PCNT: variants seen among roughly 807,000 people sequenced by gnomAD.
The protein encoded by PCNT is kendrin.
Under a neutral mutation model 380.4 loss-of-function variants are expected in PCNT, and 319 were observed. The ratio of observed to expected loss-of-function variants is 0.84; its 90% CI spans 0.77 to 0.92. The LOEUF (loss-of-function observed/expected upper bound fraction) is 0.92. Ranked by LOEUF, PCNT falls within the 40% of genes least tolerant of loss-of-function variation. The probability of loss-of-function intolerance (pLI) is 0.00; values close to 1 mark genes in which losing one functional copy is unlikely to be tolerated. For missense variants in PCNT, 4,400 were observed against 4,255.3 expected (o/e 1.03, Z -0.95); for synonymous variants, 1,845 against 1,735.2 (o/e 1.06, Z -1.57).
intron 3 of PCNT, among the ~76,000 whole-genome samples, chr21:46,344,811 TTGC>T (rs2084015051): frequency 6.6e-6 from 1 of 152,222 alleles, no homozygotes; most frequent in Non-Finnish European, 1.5e-5. Context: ...CTTTGGGTTA[TTGC>T]TGCTGAAAAG....
chr21:46,336,842 A>T (rs1357408433), intron 3 of PCNT, among the ~76,000 whole-genome samples: 1 of 151,576 alleles, frequency 6.6e-6, no homozygotes, highest in Non-Finnish European at 1.5e-5. Context: ...ACATACTGAT[A>T]CCTCAGAGCC....
intron 25 of PCNT, among the ~76,000 whole-genome samples, chr21:46,400,512 CTTT>C (rs1215264897): frequency 0.054 from 4,524 of 84,542 alleles, 108 homozygotes; most frequent in African/African-American, 0.15. Context: ...GTGTCTGATT[CTTT>C]TTTTTTTTTT....
chr21:46,383,947 C>T (rs529082818), intron 16 of PCNT, among the ~76,000 whole-genome samples: 129 of 146,300 alleles, frequency 8.8e-4, no homozygotes, highest in African/African-American at 3.1e-3. Flanking sequence ...AGCGCATTCA[C>T]AGTGTTGTAT....
At chr21:46,334,836 A>C in intron 3 of PCNT, 68 bp downstream of exon 3, 1 of 1,610,396 alleles carries the variant, frequency 6.2e-7, no homozygotes, top group Non-Finnish European at 8.5e-7. Flanking sequence ...TAGAAATCCA[A>C]ACCAGTGAGA....
intron 17 of PCNT, among the ~76,000 whole-genome samples, chr21:46,386,917 C>T (rs1035816512): frequency 1.3e-5 from 2 of 152,104 alleles, no homozygotes; most frequent in Non-Finnish European, 2.9e-5. Context: ...TGTCCCCGCC[C>T]GAGGCCTCTG....
At chr21:46,326,204 A>G (rs1275181293) in intron 1 of PCNT, among the ~76,000 whole-genome samples, 173 bp from the exon 2 acceptor site, 2 of 152,192 alleles carry the variant, frequency 1.3e-5, no homozygotes, top group Non-Finnish European at 2.9e-5. Flanking sequence ...CCCCTTGGAT[A>G]TAGATATTGA....
chr21:46,409,542 AAT>A (rs986671462), intron 27 of PCNT, among the ~76,000 whole-genome samples: 1 of 152,084 alleles, frequency 6.6e-6, no homozygotes, highest in African/African-American at 2.4e-5. Flanking sequence ...TTTCCTGAGA[AAT>A]TTCATAGTTT....
chr21:46,360,770 G>A (rs138448385), intron 13 of PCNT, among the ~76,000 whole-genome samples: 116 of 151,934 alleles, frequency 7.6e-4, no homozygotes, highest in African/African-American at 2.5e-3. Context: ...CGCCCACCTC[G>A]GCCTCCCAAA....
chr21:46,391,070 C>G (rs2086014108), intron 20 of PCNT, 94 bp from the exon 21 acceptor site: 2 of 1,291,824 alleles, frequency 1.5e-6, no homozygotes, highest in African/African-American at 1.5e-5. Flanking sequence ...CTCTGCTGCT[C>G]TCAGGGGCAG....
intron 21 of PCNT, among the ~76,000 whole-genome samples, chr21:46,395,483 A>G (rs2086177624): frequency 7.9e-6 from 1 of 127,042 alleles, no homozygotes; most frequent in Non-Finnish European, 1.8e-5. Flanking sequence ...TCTCAGAAAT[A>G]ATAGTAATAA....
At chr21:46,414,223 C>G (rs1432924258) in intron 29 of PCNT, among the ~76,000 whole-genome samples, 3 of 152,106 alleles carry the variant, frequency 2.0e-5, no homozygotes, top group Non-Finnish European at 4.4e-5. Context: ...AACTCTTGAC[C>G]TTAGGTGATC....
intron 21 of PCNT, chr21:46,394,416 C>A: frequency 1.9e-6 from 1 of 532,988 alleles, no homozygotes; most frequent in Non-Finnish European, 2.4e-6. Flanking sequence ...AGCCCTGCTG[C>A]TGACGCTGCC....
chr21:46,426,506 G>A (rs1448790643), intron 33 of PCNT, among the ~76,000 whole-genome samples: 1 of 152,212 alleles, frequency 6.6e-6, no homozygotes, highest in Non-Finnish European at 1.5e-5. Context: ...AGCCTGCGGG[G>A]AGGCTGAGAG....
Position 46,442,521 on chromosome 21 carries a change from G to T in PCNT, c.9648G>T (p.Trp3216Cys). The change falls in exon 44 of 47, where the codon TGG (tryptophan) becomes TGT (cysteine). Residue 3216 changes from tryptophan (W) to cysteine (C), a missense_variant. By Grantham distance (215) the Trp-to-Cys change is radical (BLOSUM62 -2). Transcript: ENST00000359568. ...GATTACGTTTTTTGGTTAAGAAATG[G>T]CAAGAAGTAGATCGGAAAGGAGCTC... ...ILRLRFLVKK[W>C]QEVDRKGALA... 2 of 1,612,016 alleles carry T rather than the reference G, an allele frequency of 1.2e-6. No individual in the cohort carries two copies. Among genetic ancestry groups the T allele is most frequent in the Non-Finnish European group, 1.7e-6 (2 of 1,178,212 alleles).
At position 46,440,207 on chromosome 21, in the gene PCNT, G is replaced by GA. The variant is rs2053570325; in HGVS notation, c.9393+7dup. The GA allele has an allele frequency of 6.2e-7, 1 of 1,613,890 alleles. No homozygotes were observed. Among genetic ancestry groups the GA allele is most frequent in the African/African-American group, 1.3e-5 (1 of 74,952 alleles). On this transcript the variant is annotated splice_donor_region_variant and intron_variant, in intron 42 of 46. Transcript: ENST00000359568. The stretch of plus-strand genomic sequence containing the variant: ...GCACACACCAGCAATGTCAAGGTAG[G>GA]AACGGTGCCACGAGTATAGAACTTT...
At chr21:46,426,072 T>A in intron 33 of PCNT, 101 bp downstream of exon 33, 6 of 788,026 alleles carry the variant, frequency 7.6e-6, no homozygotes, top group Non-Finnish European at 1.0e-5. Context: ...TTTCTTTCTT[T>A]TTTTTTTTTT....
intron 27 of PCNT, among the ~76,000 whole-genome samples, chr21:46,409,989 G>T (rs1244758911): frequency 6.6e-6 from 1 of 152,246 alleles, no homozygotes; most frequent in Non-Finnish European, 1.5e-5. Flanking sequence ...TTGTGATTAT[G>T]ACCGTCTTCA....
rs748701723 is a variant in PCNT, at chr21:46,431,708, G to A, written c.8244G>A (p.Ala2748=). The change falls in exon 38 of 47, where the codon GCG becomes GCA. Residue 2748 remains alanine (A), a synonymous_variant. Coordinates refer to ENST00000359568, the MANE Select transcript of PCNT (RefSeq NM_006031.6). The part of the protein sequence containing the change: ...SQLSELQKDL[A]AEKSRTLELS... ...TCTCTGAGCTCCAGAAGGACCTTGC[G>A]GCTGAGAAGAGCCGCACCCTGGAGC... is the stretch of plus-strand genomic sequence containing the variant. 110 of 1,612,136 alleles carry A rather than the reference G, an allele frequency of 6.8e-5. No homozygotes were observed. Among genetic ancestry groups the A allele is most frequent in the Non-Finnish European group, 8.6e-5 (102 of 1,179,690 alleles).
chr21:46,431,985 G>A lies in PCNT; in HGVS notation c.8521G>A (p.Ala2841Thr). The change falls in exon 38 of 47, where the codon GCC becomes ACC. Residue 2841 changes from alanine to threonine, a missense_variant. Coordinates refer to ENST00000359568, the MANE Select transcript of PCNT (RefSeq NM_006031.6). ...GCTCAGGAGAGAGAAGGAGGTAAGT[G>A]CCACACTGAAGTCGACGGTGGAAGC... ...EALRREKEVS[A>T]TLKSTVEALH... is the part of the protein sequence containing the mutation. 1 of 1,613,996 alleles carries A rather than the reference G, an allele frequency of 6.2e-7. No individual in the cohort carries two copies.
Sources: gnomAD v4.1 joint callset for allele counts (sites outside exome capture counted in the v4.1 genomes callset) on GRCh38, gnomAD v4.1.1 for gene constraint, MANE v1.5 for transcripts, NCBI Gene and HGNC (gene_info 2026-07-23, HGNC 2026-07-21) for gene names.